The following KCTD1 variants were observed in gnomAD, a reference collection of about 807,000 sequenced individuals.
KCTD1 encodes the protein potassium channel tetramerization domain containing 1, also known as BTB/POZ domain-containing protein KCTD1.
KCTD1 carries 24 observed loss-of-function variants against 66.0 expected under a neutral mutation model. The ratio of observed to expected loss-of-function variants is 0.36; its 90% CI spans 0.26 to 0.51. The LOEUF (loss-of-function observed/expected upper bound fraction) is 0.51, where lower values mean the gene tolerates loss of function less well. KCTD1 is among the 20% of genes least tolerant of loss of function. The pLI, the probability that KCTD1 is intolerant of heterozygous loss-of-function variation, is 0.95. For missense variants in KCTD1, 943 were observed against 1,205.2 expected (o/e 0.78, Z 3.22); for synonymous variants, 511 against 517.2 (o/e 0.99, Z 0.16).
chr18:26,535,109 G>T (rs1984629635), intron 1 of KCTD1, among the ~76,000 whole-genome samples: 1 of 119,680 alleles, frequency 8.4e-6, no homozygotes, highest in African/African-American at 3.2e-5. Context: ...CCTGGGGTTG[G>T]GGGGTGGGGG....
chr18:26,616,942 T>A (rs189197321), intron 1 of KCTD1, among the ~76,000 whole-genome samples: 1 of 152,320 alleles, frequency 6.6e-6, no homozygotes, highest in African/African-American at 2.4e-5. Context: ...CCATCAATAG[T>A]TTTACATATA....
intron 1 of KCTD1, among the ~76,000 whole-genome samples, chr18:26,622,846 G>A (rs957485220): frequency 2.6e-5 from 4 of 152,062 alleles, no homozygotes; most frequent in East Asian, 1.9e-4. Flanking sequence ...GAGGACCAGC[G>A]TGACGTGGGG....
chr18:26,550,025 G>A (rs1308083670), upstream of KCTD1, among the ~76,000 whole-genome samples: 1 of 151,948 alleles, frequency 6.6e-6, no homozygotes, highest in Non-Finnish European at 1.5e-5. The surrounding 1 kb of genome is among the most constrained non-coding windows in gnomAD (Gnocchi z 5.4). Context: ...AGCTCGTGCT[G>A]CATCCTAACT....
chr18:26,532,148 C>CACATA (rs1474936992), intron 1 of KCTD1, among the ~76,000 whole-genome samples: 2 of 151,880 alleles, frequency 1.3e-5, no homozygotes, highest in African/African-American at 4.8e-5. Flanking sequence ...ATAAAGGCTA[C>CACATA]ACATAACCTA....
chr18:26,530,611 G>A (rs1271368586), intron 1 of KCTD1, among the ~76,000 whole-genome samples: 1 of 152,160 alleles, frequency 6.6e-6, no homozygotes, highest in African/African-American at 2.4e-5. Flanking sequence ...TTTATTTTGG[G>A]TGTATGTGAT....
At chr18:26,498,998 A>C (rs1982620753) in intron 2 of KCTD1, among the ~76,000 whole-genome samples, 1 of 152,228 alleles carries the variant, frequency 6.6e-6, no homozygotes, top group Non-Finnish European at 1.5e-5. Flanking sequence ...CCAGGGGCTA[A>C]ATCCTGGCGG....
chr18:26,526,344 T>C (rs920940954), intron 1 of KCTD1, among the ~76,000 whole-genome samples: 7 of 152,174 alleles, frequency 4.6e-5, no homozygotes, highest in Non-Finnish European at 1.0e-4. Context: ...ATCTGCGGGA[T>C]TCCTTCCAGC....
At chr18:26,618,995 TTCC>T (rs1178551071) in intron 1 of KCTD1, among the ~76,000 whole-genome samples, 1 of 152,244 alleles carries the variant, frequency 6.6e-6, no homozygotes, top group African/African-American at 2.4e-5. Flanking sequence ...AGGCTCTGCC[TTCC>T]CTGGAGTCTT....
chr18:26,655,053 T>C (rs946416262), intron 1 of KCTD1, among the ~76,000 whole-genome samples: 1 of 152,242 alleles, frequency 6.6e-6, no homozygotes, highest in African/African-American at 2.4e-5. Context: ...TTGCCACAGA[T>C]TCCCATATAT....
chr18:26,530,463 G>C (rs1168786378), intron 1 of KCTD1, among the ~76,000 whole-genome samples: 22 of 152,182 alleles, frequency 1.4e-4, no homozygotes, highest in Admixed American at 1.4e-3. Flanking sequence ...TGAAAGTCTA[G>C]ATGTGGTGAA....
intron 1 of KCTD1, among the ~76,000 whole-genome samples, chr18:26,585,449 T>G (rs1191496446): frequency 6.6e-6 from 1 of 152,208 alleles, no homozygotes; most frequent in East Asian, 1.9e-4. Context: ...AACAAGTTAA[T>G]TAACATGCAG....
At chr18:26,502,759 G>A (rs1334570078) in intron 1 of KCTD1, among the ~76,000 whole-genome samples, 2 of 152,192 alleles carry the variant, frequency 1.3e-5, no homozygotes, top group Non-Finnish European at 2.9e-5. Context: ...GCCAAAGATT[G>A]TTTTCAAACA....
At chr18:26,617,855 G>T (rs1362211708) in intron 1 of KCTD1, among the ~76,000 whole-genome samples, 6 of 18,544 alleles carry the variant, frequency 3.2e-4, no homozygotes, top group African/African-American at 9.1e-4. Context: ...AAGGAAGGGA[G>T]GGAGGGAGGG....
intron 1 of KCTD1, among the ~76,000 whole-genome samples, chr18:26,620,381 A>C (rs12957480): frequency 0.52 from 58,734 of 113,326 alleles, 18,093 homozygotes; most frequent in Middle Eastern, 0.73. Flanking sequence ...AAAAAAAAAA[A>C]AAAACTATAA....
upstream of KCTD1, among the ~76,000 whole-genome samples, chr18:26,641,270 C>A (rs1987828973): frequency 6.6e-6 from 1 of 152,176 alleles, no homozygotes; most frequent in Admixed American, 6.5e-5. Flanking sequence ...GAGCCTTTGC[C>A]TCCCTTGTAG....
At chr18:26,549,893 G>T, upstream of KCTD1, 1 of 803,992 alleles carries the variant, frequency 1.2e-6, no homozygotes, top group Non-Finnish European at 1.5e-6. Context: ...CCCCCGGCGC[G>T]CCCAGGCTCC....
chr18:26,593,883 A>G (rs78595720), intron 1 of KCTD1, among the ~76,000 whole-genome samples: 55 of 94,372 alleles, frequency 5.8e-4, no homozygotes, highest in African/African-American at 1.2e-3. Flanking sequence ...AGAGGAAGAT[A>G]AGGAGGAGGA....
intron 3 of KCTD1, among the ~76,000 whole-genome samples, chr18:26,465,111 T>C (rs1248621380): frequency 6.6e-6 from 1 of 152,138 alleles, no homozygotes; most frequent in African/African-American, 2.4e-5. Context: ...TTAATGGAGT[T>C]TCTCTCTCCT....
intron 1 of KCTD1, among the ~76,000 whole-genome samples, chr18:26,571,175 G>C (rs537677211): frequency 6.6e-6 from 1 of 152,288 alleles, no homozygotes; most frequent in South Asian, 2.1e-4. Context: ...TGGAGACCGA[G>C]TATCCATTCA....
Sources: gnomAD v4.1 joint callset for allele counts (sites outside exome capture counted in the v4.1 genomes callset) on GRCh38, gnomAD v4.1.1 for gene constraint, Gnocchi (gnomAD v3.1) non-coding constraint, MANE v1.5 for transcripts, NCBI Gene and HGNC (gene_info 2026-07-23, HGNC 2026-07-21) for gene names.